VPS13B: variants seen among roughly 807,000 people sequenced by gnomAD.
VPS13B encodes the protein vacuolar protein sorting 13 homolog B, also known as intermembrane lipid transfer protein VPS13B.
VPS13B carries 285 observed loss-of-function variants against 426.4 expected under a neutral mutation model. The observed-to-expected ratio is 0.67, with a 90% confidence interval of 0.61 to 0.74. VPS13B has a LOEUF of 0.74. Ranked by LOEUF, VPS13B falls within the 30% of genes least tolerant of loss-of-function variation. The pLI, the probability that VPS13B is intolerant of heterozygous loss-of-function variation, is 0.00. For missense variants in VPS13B, 4,537 were observed against 4,782.6 expected, an observed-to-expected ratio of 0.95 and a Z score of 1.51; for synonymous variants, 1,676 against 1,676.4, an observed-to-expected ratio of 1.00 and a Z score of 0.01.
intron 41 of VPS13B, among the ~76,000 whole-genome samples, chr8:99,777,395 A>G (rs1288845067): frequency 6.6e-6 from 1 of 152,170 alleles, no homozygotes; most frequent in African/African-American, 2.4e-5. Flanking sequence ...CACGTCTTAC[A>G]TGGAAGGCAA....
intron 54 of VPS13B, among the ~76,000 whole-genome samples, chr8:99,838,353 G>A (rs1464733175): frequency 6.6e-6 from 1 of 152,140 alleles, no homozygotes; most frequent in Non-Finnish European, 1.5e-5. Context: ...TCATAATTTT[G>A]ATCCTACCAG....
intron 36 of VPS13B, among the ~76,000 whole-genome samples, chr8:99,706,491 A>T (rs1439286230): frequency 6.6e-6 from 1 of 152,214 alleles, no homozygotes; most frequent in Admixed American, 6.5e-5. Context: ...TGAAGTCTTC[A>T]TAAGACTCTG....
At chr8:99,615,117 C>CA (rs747102670) in intron 33 of VPS13B, among the ~76,000 whole-genome samples, 5,653 of 55,280 alleles carry the variant, frequency 0.1, 159 homozygotes, top group Non-Finnish European at 0.14. Flanking sequence ...AACTCCGTCT[C>CA]AAAAAAAAAA....
intron 3 of VPS13B, among the ~76,000 whole-genome samples, chr8:99,042,081 G>A (rs1171398169): frequency 6.7e-6 from 1 of 150,318 alleles, no homozygotes; most frequent in Non-Finnish European, 1.5e-5. Flanking sequence ...CGGAGGTTGT[G>A]GTGTGCAGAG....
At chr8:99,096,275 C>G (rs763284583) in intron 3 of VPS13B, 37 bp from the exon 4 acceptor site, 3 of 1,611,482 alleles carry the variant, frequency 1.9e-6, no homozygotes, top group Non-Finnish European at 2.5e-6. Context: ...TGAGTATGAT[C>G]GATGGTTTTC....
chr8:99,662,932 C>T (rs1011646026), intron 35 of VPS13B, among the ~76,000 whole-genome samples: 1 of 152,140 alleles, frequency 6.6e-6, no homozygotes, highest in African/African-American at 2.4e-5. Context: ...GTGGCACGTA[C>T]CTGTAGTTCC....
At chr8:99,101,276 T>G (rs1410305154) in intron 4 of VPS13B, among the ~76,000 whole-genome samples, 1 of 151,930 alleles carries the variant, frequency 6.6e-6, no homozygotes, top group African/African-American at 2.4e-5. Context: ...GGACTACAGG[T>G]GCCTGCCACC....
intron 34 of VPS13B, among the ~76,000 whole-genome samples, chr8:99,650,208 C>T (rs1019163354): frequency 5.9e-5 from 9 of 152,118 alleles, no homozygotes; most frequent in Admixed American, 2.6e-4. Flanking sequence ...CACAGATCAG[C>T]TACATATAGC....
At chr8:99,069,566 A>G (rs1183632678) in intron 3 of VPS13B, among the ~76,000 whole-genome samples, 1 of 152,220 alleles carries the variant, frequency 6.6e-6, no homozygotes, top group African/African-American at 2.4e-5. Flanking sequence ...ATTTTCTAAT[A>G]ATTTGTGTAT....
chr8:99,035,437 A>G (rs1182428904), intron 2 of VPS13B, among the ~76,000 whole-genome samples: 1 of 152,078 alleles, frequency 6.6e-6, no homozygotes, highest in African/African-American at 2.4e-5. Context: ...TCTTTTCGTA[A>G]CTGGCTTATT....
At chr8:99,082,522 C>T (rs1299889197) in intron 3 of VPS13B, among the ~76,000 whole-genome samples, 14 of 152,140 alleles carry the variant, frequency 9.2e-5, no homozygotes, top group South Asian at 4.1e-4. Context: ...GTGTTTTAGA[C>T]GTGAAGTCCT....
chr8:99,170,433 A>G (rs1319858241), intron 16 of VPS13B, among the ~76,000 whole-genome samples: 5 of 151,990 alleles, frequency 3.3e-5, no homozygotes, highest in Non-Finnish European at 7.4e-5. Context: ...ACTTGAGATT[A>G]TAATAGGAAC....
intron 15 of VPS13B, among the ~76,000 whole-genome samples, chr8:99,160,979 T>G (rs918836578): frequency 1.3e-5 from 2 of 152,200 alleles, no homozygotes; most frequent in African/African-American, 4.8e-5. Flanking sequence ...ACAGATCACA[T>G]TGCAAAAGGG....
intron 23 of VPS13B, among the ~76,000 whole-genome samples, chr8:99,450,452 A>G (rs1588392369): frequency 6.6e-6 from 1 of 152,208 alleles, no homozygotes; most frequent in East Asian, 1.9e-4. Context: ...GTGGTGGCTC[A>G]TTCCTGTAAT....
At chr8:99,843,903 A>G (rs1815843849) in intron 54 of VPS13B, among the ~76,000 whole-genome samples, 2 of 152,232 alleles carry the variant, frequency 1.3e-5, no homozygotes, top group South Asian at 4.1e-4. Context: ...TTGGTTCCAG[A>G]AAATTCCCTG....
intron 3 of VPS13B, among the ~76,000 whole-genome samples, chr8:99,047,385 C>T (rs747118676): frequency 2.6e-5 from 4 of 152,072 alleles, no homozygotes; most frequent in African/African-American, 4.8e-5. Context: ...TTTCCCGTTT[C>T]GTTTCTAATT....
intron 33 of VPS13B, among the ~76,000 whole-genome samples, chr8:99,586,012 T>A (rs1826281851): frequency 6.6e-6 from 1 of 152,222 alleles, no homozygotes; most frequent in South Asian, 2.1e-4. Flanking sequence ...GAAACTCTAC[T>A]TAGCCTCCTG....
intron 19 of VPS13B, among the ~76,000 whole-genome samples, chr8:99,348,870 G>A (rs1811699133): frequency 6.6e-6 from 1 of 151,620 alleles, no homozygotes; most frequent in African/African-American, 2.4e-5. Flanking sequence ...TGAATTGGAG[G>A]AGTTTTTTTG....
chr8:99,443,268 A>G (rs938693069), intron 23 of VPS13B, among the ~76,000 whole-genome samples: 1 of 152,114 alleles, frequency 6.6e-6, no homozygotes, highest in Non-Finnish European at 1.5e-5. Context: ...ACAAGGCTCA[A>G]ATTTTTGACA....
Sources: allele counts gnomAD v4.1 joint callset (sites outside exome capture counted in the v4.1 genomes callset), GRCh38; gene constraint gnomAD v4.1.1; transcripts MANE v1.5; gene names NCBI Gene and HGNC (gene_info 2026-07-23, HGNC 2026-07-21).